The following IFIT2 variants were observed in gnomAD, a reference collection of about 807,000 sequenced individuals.
IFIT2 encodes the protein interferon induced protein with tetratricopeptide repeats 2, also known as interferon-induced protein with tetratricopeptide repeats 2.
Under a neutral mutation model 2.5 loss-of-function variants are expected in IFIT2, and 3 were observed. The observed-to-expected ratio is 1.21, with a 90% CI of 0.55 to 3.14. IFIT2 has a LOEUF of 3.14. Among genes scored for constraint, IFIT2 ranks in the 30% most tolerant of loss-of-function variants. The pLI, the probability that IFIT2 is intolerant of heterozygous loss-of-function variation, is 0.03. For synonymous variants in IFIT2, 212 were observed against 200.7 expected, an observed-to-expected ratio of 1.06 and a Z score of -0.48; for missense variants, 493 against 558.9, an observed-to-expected ratio of 0.88 and a Z score of 1.19.
chr10:89,308,788 TAAC>T lies in IFIT2; in HGVS notation c.*1418_*1420del, dbSNP rs1169136201. On this transcript the variant is annotated 3_prime_UTR_variant, in exon 2 of 2. Transcript: ENST00000371826. ...TTAAAGTTAAAAATTCTAACCACTG[TAAC>T]AACAGTTTTTGTGTTATTTTCTGTA... 3 of 152,258 alleles carry T rather than the reference TAAC, an allele frequency of 2.0e-5. No individual in the cohort carries two copies. Among genetic ancestry groups the T allele is most frequent in the African/African-American group, 7.2e-5 (3 of 41,478 alleles). The allele number at this position is 152,258 out of a possible 1,614,324, so 9.4% of individuals were successfully genotyped here.
In IFIT2 at chr10:89,308,214, T is replaced by C. The variant is rs1266251126; in HGVS notation, c.*839T>C. The C allele has an allele frequency of 6.6e-6, 1 of 152,160 alleles. No homozygotes were observed. Among genetic ancestry groups the C allele is most frequent in the Non-Finnish European group, 1.5e-5 (1 of 68,024 alleles). 9.4% of individuals were successfully genotyped at this position (152,160 alleles called of 1,614,324 possible). ...AAAATAAATGTTCCACCAGTAGGGATAGGGGAAAAGTAACCAAAAGAGAGA... is the reference window on the plus strand; with the variant it reads ...AAAATAAATGTTCCACCAGTAGGGACAGGGGAAAAGTAACCAAAAGAGAGA... On this transcript the variant is annotated 3_prime_UTR_variant, in exon 2 of 2. Coordinates refer to ENST00000371826, the MANE Select transcript of IFIT2 (RefSeq NM_001547.5).
intron 1 of IFIT2, among the ~76,000 whole-genome samples, chr10:89,303,352 G>T (rs920408884): frequency 3.9e-5 from 6 of 152,316 alleles, no homozygotes; most frequent in African/African-American, 1.4e-4. Flanking sequence ...TTTCTAAAAG[G>T]CTCCTCAGTG....
At position 89,306,192 on chromosome 10, in the gene IFIT2, A is replaced by C. The variant is rs17468739; in HGVS notation, c.236A>C (p.Glu79Ala). 231,291 of 1,614,066 alleles carry C rather than the reference A, an allele frequency of 0.14. 18,962 individuals are homozygous for C. Among genetic ancestry groups the C allele is most frequent in the Non-Finnish European group, 0.17 (199,811 of 1,179,962 alleles). The part of the protein sequence containing the change: ...AALECLRKAE[E>A]LIQQEHADQA... Reference sequence around the variant, plus strand: ...CTGGAATGCTTACGTAAAGCTGAAGAGTTAATCCAGCAAGAGCATGCTGAC... The same window carrying C: ...CTGGAATGCTTACGTAAAGCTGAAGCGTTAATCCAGCAAGAGCATGCTGAC... Residue 79 changes from glutamate to alanine, a missense_variant, in exon 2 of 2, where the codon GAG (glutamate) becomes GCG (alanine). By Grantham distance (107) the Glu-to-Ala change is moderately radical. Transcript: ENST00000371826.
Position 89,307,246 on chromosome 10 carries a change from T to G in IFIT2, c.1290T>G (p.Ser430=), listed in dbSNP as rs1216537686. 6.2e-7 allele frequency: 1 copy of G among 1,614,086 alleles called. No individual in the cohort carries two copies. The highest frequency in any genetic ancestry group is 2.2e-5 in the East Asian group (1 of 44,880). ...GACTTTCTAAAAATGGAGCAGATTCTGAGGCTTTGCATGTCTTGGCATTCC... is the reference window on the plus strand; with the variant it reads ...GACTTTCTAAAAATGGAGCAGATTCGGAGGCTTTGCATGTCTTGGCATTCC... ...KMRLSKNGAD[S]EALHVLAFLQ... Residue 430 remains serine (S), a synonymous_variant, in exon 2 of 2, where the codon TCT becomes TCG. Coordinates refer to ENST00000371826, the MANE Select transcript of IFIT2 (RefSeq NM_001547.5).
chr10:89,306,535 C>G lies in IFIT2; in HGVS notation c.579C>G (p.Asn193Lys). ...YRLDNWPPSQ[N>K]AIDPLRQAIR... is the part of the protein sequence containing the mutation. ...TGGACAACTGGCCACCATCTCAGAA[C>G]GCCATTGACCCTCTGAGGCAAGCCA... The change falls in exon 2 of 2, where the codon AAC becomes AAG. Residue 193 changes from asparagine (N) to lysine (K), a missense_variant. Transcript: ENST00000371826. The G allele has an allele frequency of 6.2e-7, 1 of 1,614,068 alleles. No homozygotes were observed. Among genetic ancestry groups the G allele is most frequent in the Non-Finnish European group, 8.5e-7 (1 of 1,179,960 alleles).
In IFIT2 at chr10:89,306,488, C is replaced by A; in HGVS notation, c.532C>A (p.Leu178Met). 1 of 1,614,148 alleles carries A rather than the reference C, an allele frequency of 6.2e-7. No homozygotes were observed. The highest frequency in any genetic ancestry group is 8.5e-7 in the Non-Finnish European group (1 of 1,180,010). ...KPKNPEFTSG[L>M]AIASYRLDNW... is the part of the protein sequence containing the mutation. The stretch of plus-strand genomic sequence containing the variant: ...AAAGAACCCAGAATTCACCTCTGGA[C>A]TGGCAATAGCAAGCTACCGTCTGGA... Residue 178 changes from leucine to methionine, a missense_variant, in exon 2 of 2, where the codon CTG becomes ATG. Transcript: ENST00000371826.
At chr10:89,304,787 G>C (rs1014965547) in intron 1 of IFIT2, among the ~76,000 whole-genome samples, 3 of 151,558 alleles carry the variant, frequency 2.0e-5, no homozygotes, top group African/African-American at 7.3e-5. Flanking sequence ...TTGTTTTTTG[G>C]TTTGGTTGAT....
In IFIT2 at chr10:89,307,368, G is replaced by T; in HGVS notation, c.1412G>T (p.Gly471Val). ...SLIPSASSWN[G>V]E ...ATCCCTTCAGCATCAAGCTGGAATG[G>T]GGAATGAAGAATAGAGATGTGGTGC... The change falls in exon 2 of 2, where the codon GGG becomes GTG. Residue 471 changes from glycine to valine, a missense_variant. Physicochemically the swap from Gly to Val is moderately radical, Grantham distance 109. Coordinates refer to ENST00000371826, the MANE Select transcript of IFIT2 (RefSeq NM_001547.5). The T allele has an allele frequency of 6.3e-7, 1 of 1,597,504 alleles. No individual in the cohort carries two copies. Among genetic ancestry groups the T allele is most frequent in the South Asian group, 1.1e-5 (1 of 89,920 alleles).
Position 89,307,719 on chromosome 10 carries a change from T to C in IFIT2, c.*344T>C, listed in dbSNP as rs1843491971. 4.9e-6 allele frequency: 1 copy of C among 202,794 alleles called. No homozygotes were observed. The highest frequency in any genetic ancestry group is 2.3e-5 in the African/African-American group (1 of 43,764). The allele number at this position is 202,794 out of a possible 1,614,324, so 12.6% of individuals were successfully genotyped here. A position where few individuals can be genotyped will look rare whatever the true frequency, so the allele number is the denominator to read the frequency against. ...TCTATATTTATATAAAGCAGCCAAA[T>C]CCTTCATGTAATATTGAAGTCCATT... On this transcript the variant is annotated 3_prime_UTR_variant, in exon 2 of 2. Coordinates refer to ENST00000371826, the MANE Select transcript of IFIT2 (RefSeq NM_001547.5).
chr10:89,305,372 T>C (rs73366672), intron 1 of IFIT2, among the ~76,000 whole-genome samples: 5,342 of 152,052 alleles, frequency 0.035, 310 homozygotes, highest in African/African-American at 0.12. Flanking sequence ...ATGAAGGATA[T>C]ATTAAAAGCT....
chr10:89,304,014 C>G (rs573902435), intron 1 of IFIT2, among the ~76,000 whole-genome samples: 1 of 152,332 alleles, frequency 6.6e-6, no homozygotes, highest in African/African-American at 2.4e-5. Flanking sequence ...TCTGATCCTC[C>G]TGGGGTCACT....
chr10:89,306,686 C>CAGAAAAAAATGAGAATGTAGCATGTAA lies in IFIT2; in HGVS notation c.730_731insAGAAAAAAATGAGAATGTAGCATGTAA (p.Pro244delinsGlnLysLysMetArgMetTer). Reference sequence around the variant, plus strand: ...AGTTGAAGAAGCCTTGGAGAAAGCCCCAGGTGTAACAGATGTTCTTCGCAG... The same window carrying CAGAAAAAAATGAGAATGTAGCATGTAA: ...AGTTGAAGAAGCCTTGGAGAAAGCCCAGAAAAAAATGAGAATGTAGCATGTAACAGGTGTAACAGATGTTCTTCGCAG... On this transcript the variant is annotated stop_gained and protein_altering_variant, in exon 2 of 2. Coordinates refer to ENST00000371826, the MANE Select transcript of IFIT2 (RefSeq NM_001547.5). LOFTEE classifies it low-confidence loss of function (END_TRUNC). The CAGAAAAAAATGAGAATGTAGCATGTAA allele has an allele frequency of 6.2e-7, 1 of 1,614,008 alleles. No individual in the cohort carries two copies.
chr10:89,306,122 C>A lies in IFIT2; in HGVS notation c.166C>A (p.Leu56Ile). The A allele has an allele frequency of 6.2e-7, 1 of 1,614,082 alleles. No individual in the cohort carries two copies. The highest frequency in any genetic ancestry group is 8.5e-7 in the Non-Finnish European group (1 of 1,179,974). ...TGAATTCAAAGCCACAATGTGCAAC[C>A]TACTGGCCTATCTAAAGCACCTCAA... is the stretch of plus-strand genomic sequence containing the variant. The part of the protein sequence containing the change: ...NREFKATMCN[L>I]LAYLKHLKGQ... Residue 56 changes from leucine to isoleucine, a missense_variant, in exon 2 of 2, where the codon CTA (leucine) becomes ATA (isoleucine). Coordinates refer to ENST00000371826, the MANE Select transcript of IFIT2 (RefSeq NM_001547.5).
rs760287568 is a variant in IFIT2 at position 89,306,927 on chromosome 10, A to G, written c.971A>G (p.Lys324Arg). The change falls in exon 2 of 2, where the codon AAG becomes AGG. Residue 324 changes from lysine (K) to arginine (R), a missense_variant. Coordinates refer to ENST00000371826, the MANE Select transcript of IFIT2 (RefSeq NM_001547.5). ...ATAGGACACGCTGTGGCTCATCTGA[A>G]GAAAGCTGATGAGGCCAATGATAAT... ...ELIGHAVAHL[K>R]KADEANDNLF... 1.2e-6 allele frequency: 2 copies of G among 1,614,022 alleles called. No individual in the cohort carries two copies. The highest frequency in any genetic ancestry group is 3.3e-5 in the Admixed American group (2 of 60,004).
rs1055947528 is a variant in IFIT2, at chr10:89,307,786, T to A, written c.*411T>A. The A allele has an allele frequency of 1.1e-5, 2 of 175,828 alleles. No individual in the cohort carries two copies. The highest frequency in any genetic ancestry group is 2.5e-5 in the Non-Finnish European group (2 of 79,858). The allele number at this position is 175,828 out of a possible 1,614,324, so 10.9% of individuals were successfully genotyped here. The stretch of plus-strand genomic sequence containing the variant: ...ATACTTGGAGTCATTTTGCATCCCA[T>A]AGAGGTTAGTCCTGCATAGCCAGTA... On this transcript the variant is annotated 3_prime_UTR_variant, in exon 2 of 2. Coordinates refer to ENST00000371826, the MANE Select transcript of IFIT2 (RefSeq NM_001547.5).
At position 89,305,557 on chromosome 10, in the gene IFIT2, G is replaced by C. The variant is rs148449140; in HGVS notation, c.6-405G>C. Among the ~76,000 whole-genome samples, 60 of 152,170 alleles carry C rather than the reference G, an allele frequency of 3.9e-4. No homozygotes were observed. In the East Asian group the frequency reaches 0.011, roughly 28 times the overall value. ...AAATTATAAAGCTGAAATTTTCAAA[G>C]TACAAAAGTAAAGCTAGGGAAGAAT... On this transcript the variant is annotated intron_variant, in intron 1 of 1. Transcript: ENST00000371826.
Position 89,307,288 on chromosome 10 carries a change from A to G in IFIT2, c.1332A>G (p.Glu444=), listed in dbSNP as rs1033584249. 24 of 1,613,896 alleles carry G rather than the reference A, an allele frequency of 1.5e-5. No individual in the cohort carries two copies. The highest frequency in any genetic ancestry group is 2.0e-5 in the Non-Finnish European group (24 of 1,179,940). Residue 444 remains glutamate, a synonymous_variant, in exon 2 of 2, where the codon GAA becomes GAG. Transcript: ENST00000371826. The part of the protein sequence containing the change: ...HVLAFLQELN[E]KMQQADEDSE... The stretch of plus-strand genomic sequence containing the variant: ...TGGCATTCCTTCAGGAGCTGAATGA[A>G]AAAATGCAACAAGCAGATGAAGACT...
chr10:89,306,891 T>C lies in IFIT2; in HGVS notation c.935T>C (p.Leu312Ser). ...AATGGAATGTATGGGAAAAGAAAGT[T>C]ACTGGAACTAATAGGACACGCTGTG... ...RENGMYGKRK[L>S]LELIGHAVAH... is the part of the protein sequence containing the mutation. Residue 312 changes from leucine to serine, a missense_variant, in exon 2 of 2, where the codon TTA (leucine) becomes TCA (serine). Transcript: ENST00000371826. 2 of 1,614,094 alleles carry C rather than the reference T, an allele frequency of 1.2e-6. No individual in the cohort carries two copies. Among genetic ancestry groups the C allele is most frequent in the Non-Finnish European group, 1.7e-6 (2 of 1,179,956 alleles).
chr10:89,306,554 C>A lies in IFIT2; in HGVS notation c.598C>A (p.Gln200Lys). 1.2e-6 allele frequency: 2 copies of A among 1,614,108 alleles called. No homozygotes were observed. Among genetic ancestry groups the A allele is most frequent in the Non-Finnish European group, 1.7e-6 (2 of 1,179,978 alleles). ...TCAGAACGCCATTGACCCTCTGAGGCAAGCCATTCGGCTGAATCCTGACAA... is the reference window on the plus strand; with the variant it reads ...TCAGAACGCCATTGACCCTCTGAGGAAAGCCATTCGGCTGAATCCTGACAA... ...PSQNAIDPLR[Q>K]AIRLNPDNQY... The change falls in exon 2 of 2, where the codon CAA (glutamine) becomes AAA (lysine). Residue 200 changes from glutamine (Q) to lysine (K), a missense_variant. Coordinates refer to ENST00000371826, the MANE Select transcript of IFIT2 (RefSeq NM_001547.5).
Sources: allele counts gnomAD v4.1 joint callset (sites outside exome capture counted in the v4.1 genomes callset), GRCh38; gene constraint gnomAD v4.1.1; transcripts MANE v1.5; gene names NCBI Gene and HGNC (gene_info 2026-07-23, HGNC 2026-07-21).